Variants in TENM2 observed in about 807,000 individuals in gnomAD.
TENM2 encodes teneurin-2.
A neutral mutation model predicts 245.2 loss-of-function variants in TENM2; 52 were observed. The observed-to-expected ratio is 0.21, with a 90% CI of 0.17 to 0.27. The LOEUF is 0.27. Ranked by LOEUF, TENM2 falls within the 10% of genes least tolerant of loss-of-function variation. The pLI, the probability that TENM2 is intolerant of heterozygous loss-of-function variation, is 1.00. For synonymous variants in TENM2, 1,363 were observed against 1,438.9 expected, an observed-to-expected ratio of 0.95 and a Z score of 1.19; for missense variants, 3,046 against 3,666.8, an observed-to-expected ratio of 0.83 and a Z score of 4.37.
At chr5:167,337,977 C>A (rs1221249351) in intron 1 of TENM2, among the ~76,000 whole-genome samples, 1 of 152,068 alleles carries the variant, frequency 6.6e-6, no homozygotes, top group Non-Finnish European at 1.5e-5. Context: ...CCAAAATTAT[C>A]TTGGATCTGG....
At chr5:167,341,352 A>C (rs577279239) in intron 1 of TENM2, among the ~76,000 whole-genome samples, 53 of 152,166 alleles carry the variant, frequency 3.5e-4, no homozygotes, top group African/African-American at 1.3e-3. Flanking sequence ...TTTTTTTCCA[A>C]ACTACCGGGA....
At chr5:167,525,774 C>A (rs1441664196) in intron 2 of TENM2, among the ~76,000 whole-genome samples, 1 of 152,056 alleles carries the variant, frequency 6.6e-6, no homozygotes, top group Non-Finnish European at 1.5e-5. Flanking sequence ...AAATTTCTAG[C>A]AGGTTATAAC....
intron 2 of TENM2, among the ~76,000 whole-genome samples, chr5:167,609,044 C>T (rs147245288): frequency 5.3e-5 from 8 of 152,214 alleles, no homozygotes; most frequent in Admixed American, 3.9e-4. Flanking sequence ...GCATGCTATC[C>T]TCATGCTGAA....
chr5:168,227,935 C>A lies in TENM2; in HGVS notation c.5325C>A (p.Thr1775=), dbSNP rs558702299. Residue 1775 remains threonine, a synonymous_variant, in exon 25 of 29, where the codon ACC becomes ACA. Transcript: ENST00000518659. Reference sequence around the variant, plus strand: ...GCTACCAGCTCTGTAATAATGGTACCCTGAGGGTGATGTATGCTAATGGGA... The same window carrying A: ...GCTACCAGCTCTGTAATAATGGTACACTGAGGGTGATGTATGCTAATGGGA... 2.6e-5 allele frequency: 42 copies of A among 1,613,174 alleles called. 1 individual carries two copies. The Admixed American group carries it at 6.8e-4, about 26-fold the overall frequency.
intron 2 of TENM2, among the ~76,000 whole-genome samples, chr5:167,828,598 T>A (rs1353843668): frequency 6.6e-6 from 1 of 152,204 alleles, no homozygotes; most frequent in African/African-American, 2.4e-5. Flanking sequence ...CACTATTTGC[T>A]GTCTGTAGCC....
At chr5:167,766,650 G>T (rs890317745) in intron 2 of TENM2, among the ~76,000 whole-genome samples, 1 of 152,160 alleles carries the variant, frequency 6.6e-6, no homozygotes, top group African/African-American at 2.4e-5. Flanking sequence ...GCTGAGGCGG[G>T]CAGATCACCT....
chr5:167,133,196 G>A, the TENM2 span, among the ~76,000 whole-genome samples: 2 of 152,148 alleles, frequency 1.3e-5, no homozygotes, highest in Admixed American at 1.3e-4. Flanking sequence ...GTTAAGATAA[G>A]GAGGGAAGGA....
rs1042914656 is a variant in TENM2 at position 167,670,440 on chromosome 5, C to G, written c.503-205546C>G. Reference sequence around the variant, plus strand: ...TATTTTATTAATTTCATTCCTTTGGCCAGATATTTATTCTCTCTCTGTCTC... The same window carrying G: ...TATTTTATTAATTTCATTCCTTTGGGCAGATATTTATTCTCTCTCTGTCTC... On this transcript the variant is annotated intron_variant, in intron 2 of 28. Coordinates refer to ENST00000518659, the Ensembl canonical transcript of TENM2. 2.6e-5 allele frequency among the ~76,000 whole-genome samples: 4 copies of G among 152,118 alleles called. No individual in the cohort carries two copies. The East Asian group carries it at 5.8e-4, about 22-fold the overall frequency.
At chr5:167,309,144 A>G (rs1275727942) in intron 1 of TENM2, among the ~76,000 whole-genome samples, 1 of 152,162 alleles carries the variant, frequency 6.6e-6, no homozygotes, top group African/African-American at 2.4e-5. Flanking sequence ...TGTCTTCTCT[A>G]GGAAGTCTCC....
At chr5:167,018,413 A>G in the TENM2 span, among the ~76,000 whole-genome samples, 2 of 151,776 alleles carry the variant, frequency 1.3e-5, no homozygotes, top group African/African-American at 4.8e-5. Flanking sequence ...AAAACCCACC[A>G]AAAAAACACA....
At chr5:167,063,988 G>A in the TENM2 span, among the ~76,000 whole-genome samples, 2 of 152,166 alleles carry the variant, frequency 1.3e-5, no homozygotes, top group Non-Finnish European at 2.9e-5. Flanking sequence ...GACATCTGGC[G>A]TTATCAGGAG....
chr5:167,986,685 G>A (rs1309299774), intron 4 of TENM2, among the ~76,000 whole-genome samples: 2 of 152,144 alleles, frequency 1.3e-5, no homozygotes, highest in Non-Finnish European at 2.9e-5. Context: ...ACACATTTTT[G>A]CTGATGCCTG....
At chr5:167,467,144 A>G (rs553121040) in intron 2 of TENM2, among the ~76,000 whole-genome samples, 1 of 152,270 alleles carries the variant, frequency 6.6e-6, no homozygotes, top group East Asian at 1.9e-4. Context: ...GTGTTAAGGG[A>G]GTAACCTGGA....
At chr5:168,087,176 G>A (rs977065749) in intron 7 of TENM2, 1 of 152,208 alleles carries the variant, frequency 6.6e-6, no homozygotes, top group Non-Finnish European at 1.5e-5. Flanking sequence ...CTTTGAGATA[G>A]AAAGGAGGAA....
chr5:167,057,150 A>G, the TENM2 span, among the ~76,000 whole-genome samples: 1 of 152,086 alleles, frequency 6.6e-6, no homozygotes, highest in Non-Finnish European at 1.5e-5. Flanking sequence ...TATTTCCCTT[A>G]CAATGGTTTA....
At chr5:167,198,259 A>C in the TENM2 span, among the ~76,000 whole-genome samples, 1 of 152,082 alleles carries the variant, frequency 6.6e-6, no homozygotes, top group African/African-American at 2.4e-5. Context: ...TTAAATAAGA[A>C]ACCAGATATC....
intron 13 of TENM2, among the ~76,000 whole-genome samples, chr5:168,163,908 G>A (rs895658859): frequency 3.3e-5 from 5 of 152,228 alleles, no homozygotes; most frequent in South Asian, 4.2e-4. Flanking sequence ...TCCTGGTGCC[G>A]GGGGTGATTA....
the TENM2 span, among the ~76,000 whole-genome samples, chr5:167,138,966 T>A: frequency 6.6e-6 from 1 of 152,326 alleles, no homozygotes; most frequent in East Asian, 1.9e-4. Context: ...ACAGATGAGA[T>A]ATTCTGTGTG....
At chr5:167,259,251 G>C in the TENM2 span, among the ~76,000 whole-genome samples, 1 of 152,258 alleles carries the variant, frequency 6.6e-6, no homozygotes, top group East Asian at 1.9e-4. Flanking sequence ...GGCAACAAGA[G>C]ACATTGAAGA....
Sources: allele counts gnomAD v4.1 joint callset (sites outside exome capture counted in the v4.1 genomes callset), GRCh38; gene constraint gnomAD v4.1.1; transcripts MANE v1.5; gene names NCBI Gene and HGNC (gene_info 2026-07-23, HGNC 2026-07-21).